GPM6A: variants seen among roughly 807,000 people sequenced by gnomAD.
The protein encoded by GPM6A is neuronal membrane glycoprotein M6-a.
A neutral mutation model predicts 32.1 loss-of-function variants in GPM6A; 7 were observed. The ratio of observed to expected loss-of-function variants is 0.22; its 90% CI spans 0.12 to 0.41. The LOEUF is 0.41. GPM6A is among the 10% of genes least tolerant of loss of function. GPM6A has a pLI of 1.00. For synonymous variants in GPM6A, 130 were observed against 123.4 expected, an observed-to-expected ratio of 1.05 and a Z score of -0.35; for missense variants, 235 against 347.2, an observed-to-expected ratio of 0.68 and a Z score of 2.57.
rs1031707564 is a variant in GPM6A at position 175,689,546 on chromosome 4, A to G, written c.230+12029T>C. Among the ~76,000 whole-genome samples the G allele has an allele frequency of 2.6e-5, 4 of 151,816 alleles. No individual in the cohort carries two copies. In the South Asian group the frequency reaches 6.2e-4, roughly 24 times the overall value. On this transcript the variant is annotated intron_variant, in intron 2 of 6. Coordinates refer to ENST00000393658, the MANE Select transcript of GPM6A (RefSeq NM_201591.3). Reference sequence around the variant, plus strand: ...GCCTTGTTTTATGAGCTGATGTGATATTTCCTGGTGAATGTTCCAGCTGCA... The same window carrying G: ...GCCTTGTTTTATGAGCTGATGTGATGTTTCCTGGTGAATGTTCCAGCTGCA...
chr4:175,945,578 G>A (rs909687070), intron 1 of GPM6A, among the ~76,000 whole-genome samples: 2 of 150,276 alleles, frequency 1.3e-5, no homozygotes, highest in South Asian at 4.2e-4. Flanking sequence ...TAAGTAATAC[G>A]CACCCATATT....
At chr4:175,793,157 T>C (rs1247439122) in intron 1 of GPM6A, among the ~76,000 whole-genome samples, 1 of 152,212 alleles carries the variant, frequency 6.6e-6, no homozygotes, top group Admixed American at 6.5e-5. Flanking sequence ...GACTATATTA[T>C]GTATTTTTGA....
intron 1 of GPM6A, among the ~76,000 whole-genome samples, chr4:175,783,267 C>T (rs1205274018): frequency 1.3e-5 from 2 of 151,756 alleles, no homozygotes; most frequent in Non-Finnish European, 2.9e-5. Flanking sequence ...AATTTGTTTC[C>T]TATTAAGTCA....
At chr4:175,785,127 G>C (rs895267988) in intron 1 of GPM6A, among the ~76,000 whole-genome samples, 1 of 152,164 alleles carries the variant, frequency 6.6e-6, no homozygotes, top group Non-Finnish European at 1.5e-5. Flanking sequence ...AAGAAACCTT[G>C]CGACTGTTGC....
At chr4:175,962,596 AC>A in intron 1 of GPM6A, 1 of 288,338 alleles carries the variant, frequency 3.5e-6, no homozygotes, top group Non-Finnish European at 6.8e-6. Flanking sequence ...TTCTAGGGAA[AC>A]ATGAAGACAA....
intron 1 of GPM6A, among the ~76,000 whole-genome samples, chr4:175,915,192 A>C (rs890309025): frequency 2.6e-5 from 4 of 152,216 alleles, no homozygotes; most frequent in Non-Finnish European, 5.9e-5. Context: ...ACAATTTAAA[A>C]TATTTGTCTG....
At chr4:175,815,542 T>A (rs1452427074), upstream of GPM6A, among the ~76,000 whole-genome samples, 1 of 152,066 alleles carries the variant, frequency 6.6e-6, no homozygotes, top group Non-Finnish European at 1.5e-5. Context: ...ACTCTTTCCA[T>A]TGTATCGTAT....
chr4:175,685,636 A>C (rs1579383146), intron 2 of GPM6A, among the ~76,000 whole-genome samples: 1 of 152,116 alleles, frequency 6.6e-6, no homozygotes, highest in Non-Finnish European at 1.5e-5. Flanking sequence ...AGGGAGTTTT[A>C]TTTCTTGTTT....
intron 1 of GPM6A, among the ~76,000 whole-genome samples, chr4:175,917,447 T>C (rs910761492): frequency 2.6e-5 from 4 of 151,996 alleles, no homozygotes; most frequent in African/African-American, 9.7e-5. Flanking sequence ...AGCAAAACAA[T>C]GAAACGAAGG....
chr4:175,840,335 G>C (rs1348522476), intron 1 of GPM6A, among the ~76,000 whole-genome samples: 1 of 152,156 alleles, frequency 6.6e-6, no homozygotes. Flanking sequence ...ATTAATAAGT[G>C]CATATTGAAT....
At chr4:175,949,529 T>C (rs1739732147) in intron 1 of GPM6A, among the ~76,000 whole-genome samples, 1 of 152,098 alleles carries the variant, frequency 6.6e-6, no homozygotes, top group Non-Finnish European at 1.5e-5. Context: ...GTTTGGCATA[T>C]ATTTTATGTA....
chr4:175,638,534 T>G (rs1035485813), intron 6 of GPM6A, among the ~76,000 whole-genome samples: 6 of 152,124 alleles, frequency 3.9e-5, no homozygotes, highest in African/African-American at 1.4e-4. Flanking sequence ...AATATATAAA[T>G]TTCTATCATC....
intron 1 of GPM6A, among the ~76,000 whole-genome samples, chr4:175,927,651 G>A (rs913055170): frequency 1.2e-4 from 19 of 152,358 alleles, no homozygotes; most frequent in African/African-American, 4.1e-4. Flanking sequence ...TTGGGAGGCC[G>A]TGGTGGGTGG....
At chr4:175,814,538 T>A (rs1256643808), upstream of GPM6A, among the ~76,000 whole-genome samples, 1 of 152,254 alleles carries the variant, frequency 6.6e-6, no homozygotes, top group East Asian at 1.9e-4. Flanking sequence ...AAGGAAATTT[T>A]AAAAATATTC....
At chr4:175,710,014 C>G (rs554760344) in intron 1 of GPM6A, among the ~76,000 whole-genome samples, 1 of 152,216 alleles carries the variant, frequency 6.6e-6, no homozygotes, top group Non-Finnish European at 1.5e-5. Flanking sequence ...GCCTCCCCTT[C>G]AAACACAAAG....
intron 1 of GPM6A, among the ~76,000 whole-genome samples, chr4:175,811,485 A>C (rs1579529627): frequency 6.6e-6 from 1 of 152,170 alleles, no homozygotes; most frequent in African/African-American, 2.4e-5. Context: ...TGACCATTTC[A>C]ACCTTCAAAA....
intron 1 of GPM6A, among the ~76,000 whole-genome samples, chr4:175,824,496 T>A (rs935498083): frequency 1.3e-5 from 2 of 152,212 alleles, no homozygotes; most frequent in African/African-American, 4.8e-5. Context: ...AATTTCAATA[T>A]CATTTGTCTG....
intron 1 of GPM6A, among the ~76,000 whole-genome samples, chr4:175,705,155 A>T (rs1313302053): frequency 1.3e-5 from 2 of 152,270 alleles, no homozygotes; most frequent in African/African-American, 2.4e-5. Flanking sequence ...TTTCAAATTT[A>T]GAAAGAAAAG....
intron 4 of GPM6A, among the ~76,000 whole-genome samples, chr4:175,643,792 A>G (rs1029472359): frequency 3.3e-5 from 5 of 152,176 alleles, no homozygotes; most frequent in Non-Finnish European, 7.3e-5. Context: ...GAGTTGCAGA[A>G]GCGGGCTCAA....
Sources: gnomAD v4.1 joint callset for allele counts (sites outside exome capture counted in the v4.1 genomes callset) on GRCh38, gnomAD v4.1.1 for gene constraint, MANE v1.5 for transcripts, NCBI Gene and HGNC (gene_info 2026-07-23, HGNC 2026-07-21) for gene names.